Variants in LRFN5 observed in about 807,000 individuals in gnomAD.
LRFN5 encodes leucine-rich repeat and fibronectin type-III domain-containing protein 5.
LRFN5 carries 24 observed loss-of-function variants against 45.6 expected under a neutral mutation model. The observed-to-expected ratio is 0.53, with a 90% CI of 0.38 to 0.74. The LOEUF (loss-of-function observed/expected upper bound fraction) is 0.74. Among genes scored for constraint, LRFN5 ranks in the 30% least tolerant of loss-of-function variants. The pLI is 0.00. For missense variants in LRFN5, 776 were observed against 861.5 expected, an observed-to-expected ratio of 0.90 and a Z score of 1.24; for synonymous variants, 340 against 313.8, an observed-to-expected ratio of 1.08 and a Z score of -0.88.
chr14:41,795,876 G>A (rs889512964), intron 2 of LRFN5, among the ~76,000 whole-genome samples: 5 of 151,780 alleles, frequency 3.3e-5, no homozygotes, highest in South Asian at 2.1e-4. Context: ...GTATATATAT[G>A]TAACTAACTT....
intron 1 of LRFN5, among the ~76,000 whole-genome samples, chr14:41,764,967 C>G (rs948584659): frequency 6.6e-6 from 1 of 151,976 alleles, no homozygotes; most frequent in South Asian, 2.1e-4. Context: ...GCTAAGATTA[C>G]GCTTATGGTA....
At chr14:41,803,359 T>C (rs1367948844) in intron 2 of LRFN5, among the ~76,000 whole-genome samples, 1 of 152,056 alleles carries the variant, frequency 6.6e-6, no homozygotes, top group Admixed American at 6.6e-5. Context: ...ATAGCTTTTT[T>C]TTTTCTTTTT....
At chr14:41,829,369 C>T (rs1320275792) in intron 2 of LRFN5, among the ~76,000 whole-genome samples, 3 of 151,662 alleles carry the variant, frequency 2.0e-5, no homozygotes, top group African/African-American at 4.8e-5. Context: ...CCACAAAAAA[C>T]TCATATCTTC....
chr14:41,754,398 CT>C (rs1034617941), intron 1 of LRFN5, among the ~76,000 whole-genome samples: 41 of 151,776 alleles, frequency 2.7e-4, no homozygotes, highest in African/African-American at 8.7e-4. Flanking sequence ...TGGTCCTGGA[CT>C]TTTTTTTGGT....
intron 2 of LRFN5, among the ~76,000 whole-genome samples, chr14:41,869,122 A>T (rs1889932610): frequency 1.3e-5 from 2 of 152,136 alleles, no homozygotes; most frequent in South Asian, 4.1e-4. Context: ...AGTGGTAGTT[A>T]TTCATTTCCA....
Position 41,904,424 on chromosome 14 carries a change from A to T in LRFN5, c.*249A>T, listed in dbSNP as rs1311344370. The stretch of plus-strand genomic sequence containing the variant: ...CAAGTATTTTTTTTTTAAAAAAGAA[A>T]AAAAGCCTACATTGGCATCAAGTTC... On this transcript the variant is annotated 3_prime_UTR_variant, in exon 6 of 6. Coordinates refer to ENST00000298119, the MANE Select transcript of LRFN5 (RefSeq NM_152447.5). The T allele has an allele frequency of 2.3e-6, 1 of 434,460 alleles. No homozygotes were observed. The highest frequency in any genetic ancestry group is 4.0e-5 in the Admixed American group (1 of 24,758). 26.9% of individuals were successfully genotyped at this position (434,460 alleles called of 1,614,324 possible).
chr14:41,827,785 C>A (rs1888347906), intron 2 of LRFN5, among the ~76,000 whole-genome samples: 1 of 151,946 alleles, frequency 6.6e-6, no homozygotes, highest in Non-Finnish European at 1.5e-5. Context: ...TTTATAATTG[C>A]CTGAAATACC....
chr14:41,903,795 GC>G (rs1239026782), intron 5 of LRFN5, among the ~76,000 whole-genome samples: 5 of 151,704 alleles, frequency 3.3e-5, no homozygotes, highest in Non-Finnish European at 7.4e-5. Context: ...TTTAATAACT[GC>G]AATTATTATT....
At chr14:41,693,098 A>G (rs1361966844) in intron 1 of LRFN5, among the ~76,000 whole-genome samples, 1 of 152,024 alleles carries the variant, frequency 6.6e-6, no homozygotes, top group Non-Finnish European at 1.5e-5. Context: ...ATGAATTTTT[A>G]TATTCTTATT....
At chr14:41,767,707 C>A (rs2138884061) in intron 2 of LRFN5, among the ~76,000 whole-genome samples, 1 of 152,132 alleles carries the variant, frequency 6.6e-6, no homozygotes, top group East Asian at 1.9e-4. Flanking sequence ...TACTGCATAC[C>A]ACCACAAAAC....
intron 2 of LRFN5, among the ~76,000 whole-genome samples, chr14:41,808,182 A>C (rs862534): frequency 0.49 from 67,686 of 137,344 alleles, 17,006 homozygotes; most frequent in East Asian, 0.9. Flanking sequence ...GGAGGGAGGA[A>C]GAAGAGGAAG....
chr14:41,876,472 A>G (rs1461481970), intron 2 of LRFN5, among the ~76,000 whole-genome samples: 6 of 117,110 alleles, frequency 5.1e-5, no homozygotes, highest in Non-Finnish European at 1.1e-4. Flanking sequence ...TTTTTCTTGT[A>G]TTTTTAGTAG....
Position 41,891,379 on chromosome 14 carries a change from C to T in LRFN5, c.1515C>T (p.Cys505=), listed in dbSNP as rs747716170. 1.9e-6 allele frequency: 3 copies of T among 1,614,012 alleles called. No homozygotes were observed. The highest frequency in any genetic ancestry group is 2.5e-6 in the Non-Finnish European group (3 of 1,180,036). ...TCACTGCCACAAGAGTCGTGGGTTG[C>T]ATCCAGTTTACTACGGAACAGGATT... ...TSLTATRVVG[C]IQFTTEQDYV... is the part of the protein sequence containing the mutation. The change falls in exon 4 of 6, where the codon TGC becomes TGT. Residue 505 remains cysteine, a synonymous_variant. Transcript: ENST00000298119.
chr14:41,853,284 G>A (rs1218216284), intron 2 of LRFN5, among the ~76,000 whole-genome samples: 4 of 151,938 alleles, frequency 2.6e-5, no homozygotes, highest in Non-Finnish European at 5.9e-5. Context: ...ATAGTTCTCA[G>A]CTCTGTTCTG....
intron 1 of LRFN5, among the ~76,000 whole-genome samples, chr14:41,616,722 G>T (rs1887937066): frequency 6.6e-6 from 1 of 152,000 alleles, no homozygotes; most frequent in Admixed American, 6.6e-5. Flanking sequence ...GTTGTCTTTA[G>T]GCATCCTGTT....
chr14:41,708,135 A>G (rs1425431243), intron 1 of LRFN5, among the ~76,000 whole-genome samples: 1 of 151,998 alleles, frequency 6.6e-6, no homozygotes, highest in African/African-American at 2.4e-5. Flanking sequence ...CTTTTTCCAT[A>G]TTCATAAAGT....
In LRFN5 at chr14:41,796,938, A is replaced by G. The variant is rs561061762; in HGVS notation, c.-21+29909A>G. Among the ~76,000 whole-genome samples the G allele has an allele frequency of 4.7e-5, 7 of 148,728 alleles. No homozygotes were observed. The East Asian group carries it at 9.7e-4, about 21-fold the overall frequency. ...GCTTATGATTTTTATTTCTAATTGT[A>G]TATTCTCTTTGTATCCTTTACTTAT... On this transcript the variant is annotated intron_variant, in intron 2 of 5. Transcript: ENST00000298119.
chr14:41,728,667 T>G (rs1262304727), intron 1 of LRFN5, among the ~76,000 whole-genome samples: 1 of 152,178 alleles, frequency 6.6e-6, no homozygotes, highest in Non-Finnish European at 1.5e-5. Context: ...AGAGAATTCA[T>G]CAAGGCTACC....
rs1424192190 is a variant in LRFN5, at chr14:41,740,744, G to A, written c.-196-26110G>A. Reference sequence around the variant, plus strand: ...AAAAGAAATAAAAGGCCTCCATAAAGGAAAAAAAGAAGTGAAATTGTCAGT... The same window carrying A: ...AAAAGAAATAAAAGGCCTCCATAAAAGAAAAAAAGAAGTGAAATTGTCAGT... On this transcript the variant is annotated intron_variant, in intron 1 of 5. Coordinates refer to ENST00000298119, the MANE Select transcript of LRFN5 (RefSeq NM_152447.5). Among the ~76,000 whole-genome samples, 3 of 151,188 alleles carry A rather than the reference G, an allele frequency of 2.0e-5. No individual in the cohort carries two copies. The East Asian group carries it at 5.8e-4, about 29-fold the overall frequency.
Sources: allele counts gnomAD v4.1 joint callset (sites outside exome capture counted in the v4.1 genomes callset), GRCh38; gene constraint gnomAD v4.1.1; transcripts MANE v1.5; gene names NCBI Gene and HGNC (gene_info 2026-07-23, HGNC 2026-07-21).